AFF3: variants seen among roughly 807,000 people sequenced by gnomAD.
AFF3 encodes AF4/FMR2 family member 3.
In AFF3, 32 loss-of-function variants were observed where a neutral mutation model predicts 129.7. The observed-to-expected ratio is 0.25, with a 90% confidence interval of 0.19 to 0.33. AFF3 has a LOEUF of 0.33. Among genes scored for constraint, AFF3 ranks in the 10% least tolerant of loss-of-function variants. The pLI is 1.00. For synonymous variants in AFF3, 644 were observed against 635.4 expected (o/e 1.01, Z -0.20); for missense variants, 1,373 against 1,592.0 (o/e 0.86, Z 2.34).
chr2:99,838,359 C>G (rs1689056014), intron 7 of AFF3, among the ~76,000 whole-genome samples: 1 of 152,170 alleles, frequency 6.6e-6, no homozygotes, highest in African/African-American at 2.4e-5. Flanking sequence ...ACTGTGACAT[C>G]CTGGAATGAG....
intron 13 of AFF3, among the ~76,000 whole-genome samples, chr2:99,612,544 T>C (rs983285403): frequency 1.3e-5 from 2 of 152,264 alleles, no homozygotes; most frequent in African/African-American, 4.8e-5. Flanking sequence ...CTTTAAATGT[T>C]ATGTTCATAG....
At chr2:100,099,535 C>G (rs570365903) in intron 4 of AFF3, among the ~76,000 whole-genome samples, 273 of 152,026 alleles carry the variant, frequency 1.8e-3, no homozygotes, top group Non-Finnish European at 2.2e-3. Flanking sequence ...AGTCTTCCCA[C>G]CACGTGGTTT....
chr2:99,602,349 C>T (rs1679918385), intron 13 of AFF3, among the ~76,000 whole-genome samples: 1 of 152,172 alleles, frequency 6.6e-6, no homozygotes. Flanking sequence ...GGTGCTGTGA[C>T]TTATAGGAAC....
At chr2:100,009,644 TATTCTCTCA>T (rs1682329658) in intron 4 of AFF3, among the ~76,000 whole-genome samples, 1 of 152,156 alleles carries the variant, frequency 6.6e-6, no homozygotes, top group African/African-American at 2.4e-5. Flanking sequence ...AATTAATATC[TATTCTCTCA>T]AAATACAATT....
intron 7 of AFF3, among the ~76,000 whole-genome samples, chr2:99,946,579 TCCCCATAC>T (rs1675597820): frequency 6.8e-6 from 1 of 146,810 alleles, no homozygotes; most frequent in South Asian, 2.3e-4. Flanking sequence ...CTGCAGAATT[TCCCCATAC>T]CCCCAAACTC....
At chr2:99,729,241 C>A (rs183423513) in intron 10 of AFF3, among the ~76,000 whole-genome samples, 2 of 152,094 alleles carry the variant, frequency 1.3e-5, no homozygotes, top group Non-Finnish European at 2.9e-5. Context: ...AAAATAAAAA[C>A]GAAGGCATTG....
At chr2:100,111,263 G>A (rs895971939) in intron 2 of AFF3, among the ~76,000 whole-genome samples, 1 of 152,202 alleles carries the variant, frequency 6.6e-6, no homozygotes, top group African/African-American at 2.4e-5. Context: ...GCACATTGCC[G>A]TGTATAGTCA....
intron 7 of AFF3, among the ~76,000 whole-genome samples, chr2:99,927,012 T>C (rs79031443): frequency 0.022 from 3,314 of 152,232 alleles, 75 homozygotes; most frequent in African/African-American, 0.056. Context: ...TCACACAGGC[T>C]CAGGGCATAA....
chr2:99,648,120 T>C (rs564436455), intron 13 of AFF3, among the ~76,000 whole-genome samples: 1 of 152,230 alleles, frequency 6.6e-6, no homozygotes, highest in African/African-American at 2.4e-5. Flanking sequence ...ACCTTTTTTT[T>C]CCTGTATTTA....
intron 10 of AFF3, among the ~76,000 whole-genome samples, chr2:99,731,593 T>C (rs1242257024): frequency 6.6e-6 from 1 of 152,238 alleles, no homozygotes; most frequent in Non-Finnish European, 1.5e-5. Context: ...TCAGTAATTA[T>C]TGAGTCATCC....
intron 7 of AFF3, among the ~76,000 whole-genome samples, chr2:99,860,484 G>A (rs1576209976): frequency 6.6e-6 from 1 of 152,102 alleles, no homozygotes; most frequent in East Asian, 1.9e-4. Flanking sequence ...AACCTGGGAG[G>A]CAGAGCTTGC....
At chr2:99,993,593 T>C (rs114999845) in intron 7 of AFF3, among the ~76,000 whole-genome samples, 8 of 147,148 alleles carry the variant, frequency 5.4e-5, no homozygotes, top group Non-Finnish European at 1.1e-4. Context: ...CGAGAGAGAG[T>C]TGGAAACAAA....
chr2:99,808,596 C>T lies in AFF3; in HGVS notation c.921+28881G>A, dbSNP rs371745976. Among the ~76,000 whole-genome samples, 443 of 152,124 alleles carry T rather than the reference C, an allele frequency of 2.9e-3. 1 individual carries two copies. Among genetic ancestry groups the T allele is most frequent in the African/African-American group, 9.7e-3 (404 of 41,478 alleles). ...TAATGGATGAACCTCAATCAATACA[C>T]TCAGGAAAGACTGCAGAATCAATAA... On this transcript the variant is annotated intron_variant, in intron 8 of 24. Transcript: ENST00000672756.
intron 17 of AFF3, among the ~76,000 whole-genome samples, chr2:99,580,154 G>A (rs1159352940): frequency 6.6e-6 from 1 of 152,084 alleles, no homozygotes; most frequent in Non-Finnish European, 1.5e-5. Context: ...GTTCTTTCTC[G>A]GGACCTCTGC....
chr2:99,756,325 C>T (rs1682094376), intron 8 of AFF3, among the ~76,000 whole-genome samples: 2 of 152,248 alleles, frequency 1.3e-5, no homozygotes, highest in Admixed American at 1.3e-4. Context: ...GTTCCTCAAA[C>T]ATTCTTTCCA....
At chr2:100,101,200 G>A (rs1276915108) in intron 4 of AFF3, among the ~76,000 whole-genome samples, 1 of 152,230 alleles carries the variant, frequency 6.6e-6, no homozygotes, top group African/African-American at 2.4e-5. Flanking sequence ...AAAGGAGGTA[G>A]TTGTGAATTA....
intron 13 of AFF3, among the ~76,000 whole-genome samples, chr2:99,627,066 T>C (rs900853552): frequency 1.3e-5 from 2 of 152,316 alleles, no homozygotes; most frequent in East Asian, 3.9e-4. Context: ...TGTCTTATAA[T>C]ATGATTTATA....
At chr2:99,688,471 A>G (rs914648820) in intron 11 of AFF3, among the ~76,000 whole-genome samples, 1 of 152,228 alleles carries the variant, frequency 6.6e-6, no homozygotes, top group African/African-American at 2.4e-5. Context: ...CATATACCTT[A>G]AAACTACTGG....
rs1178091052 is a variant in AFF3, at chr2:99,550,246, G to A, written c.*1228C>T. 1 of 230,998 alleles carries A rather than the reference G, an allele frequency of 4.3e-6. No homozygotes were observed. Among genetic ancestry groups the A allele is most frequent in the Non-Finnish European group, 8.6e-6 (1 of 116,728 alleles). 14.3% of individuals were successfully genotyped at this position (230,998 alleles called of 1,614,324 possible). A position where few individuals can be genotyped will look rare whatever the true frequency, so the allele number is the denominator to read the frequency against. On this transcript the variant is annotated 3_prime_UTR_variant, in exon 25 of 25. Transcript: ENST00000672756. ...AAGGTGTAAACATACCAGACACACAGGACACAGGAAGAGGCTCTGGTTGCT... is the reference window on the plus strand; with the variant it reads ...AAGGTGTAAACATACCAGACACACAAGACACAGGAAGAGGCTCTGGTTGCT...
Sources: gnomAD v4.1 joint callset for allele counts (sites outside exome capture counted in the v4.1 genomes callset) on GRCh38, gnomAD v4.1.1 for gene constraint, MANE v1.5 for transcripts, NCBI Gene and HGNC (gene_info 2026-07-23, HGNC 2026-07-21) for gene names.